Variants in FANCB observed in about 807,000 individuals in gnomAD.
FANCB encodes the protein Fanconi anemia group B protein.
FANCB carries 5 observed loss-of-function variants against 38.9 expected under a neutral mutation model. The observed-to-expected ratio is 0.13, with a 90% confidence interval of 0.07 to 0.27. The LOEUF is 0.27. FANCB is among the 10% of genes least tolerant of loss of function. The pLI is 1.00. For missense variants in FANCB, 573 were observed against 602.7 expected (o/e 0.95, Z 0.52); for synonymous variants, 236 against 215.4 (o/e 1.10, Z -0.84).
intron 5 of FANCB, among the ~76,000 whole-genome samples, chrX:14,855,089 T>C (rs1040867993): frequency 9.0e-6 from 1 of 111,639 alleles, no homozygotes; most frequent in Non-Finnish European, 1.9e-5. Flanking sequence ...CACTCTCCAA[T>C]TGATGGGTAT....
the FANCB span, among the ~76,000 whole-genome samples, chrX:14,723,745 CCTCTCATTT>C: frequency 9.0e-6 from 1 of 111,698 alleles, no homozygotes; most frequent in Admixed American, 9.5e-5. Flanking sequence ...CTCTTTAATG[CCTCTCATTT>C]TTTAAATCTC....
At chrX:14,744,940 T>C in the FANCB span, among the ~76,000 whole-genome samples, 1 of 111,241 alleles carries the variant, frequency 9.0e-6, no homozygotes, top group Non-Finnish European at 1.9e-5. Flanking sequence ...GGTTCACTCA[T>C]TAATTTTCTC....
chrX:14,732,149 C>A, the FANCB span, among the ~76,000 whole-genome samples: 1 of 110,422 alleles, frequency 9.1e-6, no homozygotes, highest in African/African-American at 3.3e-5. Context: ...TTTTTCTGTT[C>A]CTGTGTTACT....
the FANCB span, among the ~76,000 whole-genome samples, chrX:14,817,037 G>A: frequency 3.6e-5 from 4 of 111,966 alleles, no homozygotes; most frequent in Non-Finnish European, 5.6e-5. Flanking sequence ...GACACAGGGA[G>A]TCTATTTCTG....
At chrX:14,726,040 A>G in the FANCB span, among the ~76,000 whole-genome samples, 1 of 112,311 alleles carries the variant, frequency 8.9e-6, no homozygotes, top group African/African-American at 3.2e-5. Flanking sequence ...TTTCTGGCTA[A>G]TCAGAAGAAA....
At chrX:14,820,171 A>ATC in the FANCB span, among the ~76,000 whole-genome samples, 7 of 109,227 alleles carry the variant, frequency 6.4e-5, no homozygotes, top group Non-Finnish European at 1.3e-4. Context: ...GAAAACACTA[A>ATC]TCTCTCTCTC....
At chrX:14,769,179 A>G in the FANCB span, among the ~76,000 whole-genome samples, 1 of 111,453 alleles carries the variant, frequency 9.0e-6, no homozygotes, top group South Asian at 3.8e-4. Context: ...GGCCTCATAG[A>G]GTGAGTTAGG....
the FANCB span, among the ~76,000 whole-genome samples, chrX:14,794,592 T>G: frequency 8.0e-5 from 9 of 112,297 alleles, no homozygotes; most frequent in Admixed American, 5.7e-4. Flanking sequence ...TTTTTACTGA[T>G]GAAAACCCTG....
chrX:14,844,780 C>CTTGTG, intron 8 of FANCB, 40 bp from the exon 9 acceptor site: 2 of 1,155,731 alleles, frequency 1.7e-6, no homozygotes, highest in Non-Finnish European at 2.4e-6. Flanking sequence ...AAACTCTGCC[C>CTTGTG]ATTATCAGAT....
At chrX:14,752,965 TCTCTC>T in the FANCB span, among the ~76,000 whole-genome samples, 1 of 93,435 alleles carries the variant, frequency 1.1e-5, no homozygotes, top group Non-Finnish European at 2.1e-5. Context: ...TGGCTCTCTC[TCTCTC>T]TCTCTCTCTG....
chrX:14,851,201 CGAT>C (rs2092400182), intron 6 of FANCB, among the ~76,000 whole-genome samples: 1 of 111,922 alleles, frequency 8.9e-6, no homozygotes. Context: ...ATAATAGTAA[CGAT>C]AATAATAATA....
At chrX:14,739,599 C>T in the FANCB span, among the ~76,000 whole-genome samples, 7 of 111,031 alleles carry the variant, frequency 6.3e-5, no homozygotes, top group Middle Eastern at 4.3e-3. Flanking sequence ...TTGTGCATAC[C>T]GCATTAATAA....
the FANCB span, among the ~76,000 whole-genome samples, chrX:14,728,247 G>C: frequency 9.1e-6 from 1 of 110,443 alleles, no homozygotes; most frequent in Non-Finnish European, 1.9e-5. Flanking sequence ...CAAAAAATTA[G>C]CTGGGCATGG....
At chrX:14,811,214 G>A in the FANCB span, among the ~76,000 whole-genome samples, 54 of 111,537 alleles carry the variant, frequency 4.8e-4, no homozygotes, top group African/African-American at 1.7e-3. Context: ...GCAAAATCAT[G>A]CCAAATTGTA....
At chrX:14,805,204 G>T in the FANCB span, among the ~76,000 whole-genome samples, 1 of 111,539 alleles carries the variant, frequency 9.0e-6, no homozygotes, top group East Asian at 2.8e-4. Context: ...AAAAGTGGGT[G>T]CATGAGTCTC....
the FANCB span, among the ~76,000 whole-genome samples, chrX:14,747,828 T>C: frequency 8.9e-5 from 10 of 112,421 alleles, no homozygotes; most frequent in East Asian, 2.0e-3. Flanking sequence ...CATTTTAATG[T>C]GTTTTAGTTG....
At chrX:14,845,352 A>ATG (rs745739155) in intron 7 of FANCB, 66 bp from the exon 8 acceptor site, 1 of 821,051 alleles carries the variant, frequency 1.2e-6, no homozygotes. Flanking sequence ...TGATGATTAA[A>ATG]TGTCATACAA....
At chrX:14,759,087 C>A in the FANCB span, among the ~76,000 whole-genome samples, 1 of 111,798 alleles carries the variant, frequency 8.9e-6, no homozygotes, top group East Asian at 2.8e-4. Flanking sequence ...TGAAAAGTCT[C>A]AGCAACAGAA....
the FANCB span, among the ~76,000 whole-genome samples, chrX:14,753,024 C>CAT: frequency 9.4e-6 from 1 of 106,151 alleles, no homozygotes; most frequent in African/African-American, 3.6e-5. Context: ...CACACACACA[C>CAT]ACACATTAGT....
Sources: gnomAD v4.1 joint callset for allele counts (sites outside exome capture counted in the v4.1 genomes callset) on GRCh38, gnomAD v4.1.1 for gene constraint, MANE v1.5 for transcripts, NCBI Gene and HGNC (gene_info 2026-07-23, HGNC 2026-07-21) for gene names.